The following NAV2 variants were observed in gnomAD, a reference collection of about 807,000 sequenced individuals.
NAV2 encodes the protein helicase, APC down-regulated 1.
In NAV2, 54 loss-of-function variants were observed where a neutral mutation model predicts 223.2. That is an observed-to-expected ratio of 0.24 (90% CI 0.19 to 0.30). The LOEUF is 0.30. Among genes scored for constraint, NAV2 ranks in the 10% least tolerant of loss-of-function variants. NAV2 has a pLI of 1.00. For synonymous variants in NAV2, 1,279 were observed against 1,239.3 expected (o/e 1.03, Z -0.67); for missense variants, 2,806 against 3,147.5 (o/e 0.89, Z 2.60).
intron 1 of NAV2, among the ~76,000 whole-genome samples, chr11:19,603,642 A>AG (rs1182979891): frequency 1.3e-5 from 2 of 151,522 alleles, no homozygotes; most frequent in Non-Finnish European, 2.9e-5. Context: ...AAAAAAAAAA[A>AG]AAAAAAAGAA....
intron 1 of NAV2, among the ~76,000 whole-genome samples, chr11:19,560,874 A>G (rs1311904596): frequency 6.6e-6 from 1 of 152,254 alleles, no homozygotes; most frequent in Admixed American, 6.5e-5. Flanking sequence ...CAAGGTCCCA[A>G]AGATAAATAA....
chr11:20,045,249 C>T lies in NAV2; in HGVS notation c.3481C>T (p.Arg1161Trp), dbSNP rs780672032. 26 of 1,614,056 alleles carry T rather than the reference C, an allele frequency of 1.6e-5. No individual in the cohort carries two copies. Among genetic ancestry groups the T allele is most frequent in the South Asian group, 5.5e-5 (5 of 91,088 alleles). ...CCCAAAGTCATCTGCACTCGTCAGTCGGTCTGCTGGTCGGAAGTCAAGTAT... is the reference window on the plus strand; with the variant it reads ...CCCAAAGTCATCTGCACTCGTCAGTTGGTCTGCTGGTCGGAAGTCAAGTAT... ...KIPKSSALVS[R>W]SAGRKSSMDG... The change falls in exon 14 of 38, where the codon CGG becomes TGG. Residue 1161 changes from arginine (R) to tryptophan (W), a missense_variant. Arg to Trp is a moderately radical substitution (Grantham distance 101). Transcript: ENST00000349880.
At chr11:20,044,330 G>C in intron 13 of NAV2, 58 bp downstream of exon 13, 1 of 1,457,726 alleles carries the variant, frequency 6.9e-7, no homozygotes, top group Non-Finnish European at 9.4e-7. Flanking sequence ...CAAAGCCATA[G>C]TTAACTCTAG....
At chr11:19,811,572 C>T (rs1590674374) in intron 1 of NAV2, among the ~76,000 whole-genome samples, 1 of 152,166 alleles carries the variant, frequency 6.6e-6, no homozygotes, top group South Asian at 2.1e-4. Flanking sequence ...CAGAAGGTTA[C>T]CACATTTAGC....
At chr11:19,359,067 G>A (rs578002028) in intron 1 of NAV2, among the ~76,000 whole-genome samples, 55 of 152,324 alleles carry the variant, frequency 3.6e-4, no homozygotes, top group African/African-American at 1.3e-3. Context: ...GAATGAATGA[G>A]TGACAGTTGA....
chr11:19,823,946 G>A (rs2059523689), intron 1 of NAV2, among the ~76,000 whole-genome samples: 1 of 151,974 alleles, frequency 6.6e-6, no homozygotes, highest in African/African-American at 2.4e-5. Context: ...AAGAAAAAGT[G>A]CAATTGTGTT....
Position 20,095,875 on chromosome 11 carries a change from T to A in NAV2, c.6012+108T>A, listed in dbSNP as rs1238293912. ...TGAGCTTGGCCATTTCTCAGACCTGTCCCCTTCCCTACATGTTAATGTTGC... is the reference window on the plus strand; with the variant it reads ...TGAGCTTGGCCATTTCTCAGACCTGACCCCTTCCCTACATGTTAATGTTGC... On this transcript the variant is annotated intron_variant, in intron 30 of 37. Transcript: ENST00000349880. The A allele has an allele frequency of 6.4e-6, 5 of 777,684 alleles. No homozygotes were observed. The East Asian group carries it at 7.4e-5, about 11-fold the overall frequency. 48.2% of individuals were successfully genotyped at this position (777,684 alleles called of 1,614,324 possible).
At chr11:19,634,653 G>A (rs909241796) in intron 1 of NAV2, among the ~76,000 whole-genome samples, 2 of 152,210 alleles carry the variant, frequency 1.3e-5, no homozygotes, top group African/African-American at 2.4e-5. Context: ...GGATATAGAG[G>A]TGAGCAAATA....
At chr11:20,045,914 T>C (rs2057378455) in intron 14 of NAV2, among the ~76,000 whole-genome samples, 1 of 152,212 alleles carries the variant, frequency 6.6e-6, no homozygotes, top group Non-Finnish European at 1.5e-5. Flanking sequence ...TTAGCTGCCA[T>C]ATAACCTTTT....
intron 11 of NAV2, among the ~76,000 whole-genome samples, chr11:20,009,429 A>G (rs142890997): frequency 3.9e-5 from 6 of 152,360 alleles, no homozygotes; most frequent in African/African-American, 1.4e-4. Context: ...AACCTGTGAC[A>G]AATGAGCTGT....
At chr11:19,526,613 G>T (rs1246749791) in intron 1 of NAV2, among the ~76,000 whole-genome samples, 1 of 152,076 alleles carries the variant, frequency 6.6e-6, no homozygotes, top group Non-Finnish European at 1.5e-5. Context: ...GTGTGCTTGT[G>T]CTTATTGGCA....
chr11:19,582,641 G>C (rs1056752830), intron 1 of NAV2, among the ~76,000 whole-genome samples: 4 of 152,114 alleles, frequency 2.6e-5, no homozygotes, highest in African/African-American at 9.7e-5. Flanking sequence ...GCCATTTCTA[G>C]TTTTTTTCAG....
Position 19,762,514 on chromosome 11 carries a change from GA to G in NAV2, c.267+48554del, listed in dbSNP as rs140678227. ...TAGTTCTGGCCTCAGGGCCTTTGCAGAAGCCTTGGCTCCTAATCTTCTGTTC... is the reference window on the plus strand; with the variant it reads ...TAGTTCTGGCCTCAGGGCCTTTGCAGAGCCTTGGCTCCTAATCTTCTGTTC... On this transcript the variant is annotated intron_variant, in intron 1 of 37. Transcript: ENST00000349880. Among the ~76,000 whole-genome samples, 268 of 152,158 alleles carry G rather than the reference GA, an allele frequency of 1.8e-3. 1 individual carries two copies. Among genetic ancestry groups the G allele is most frequent in the Admixed American group, 4.5e-3 (68 of 15,268 alleles).
intron 1 of NAV2, chr11:19,502,766 G>A (rs1402225985): frequency 6.6e-6 from 1 of 152,228 alleles, no homozygotes; most frequent in African/African-American, 2.4e-5. Context: ...ACTTACATAT[G>A]AGTTGTAACT....
chr11:19,614,710 G>A (rs932771819), intron 1 of NAV2, among the ~76,000 whole-genome samples: 1 of 152,138 alleles, frequency 6.6e-6, no homozygotes, highest in Admixed American at 6.5e-5. Flanking sequence ...CAGTGGCATA[G>A]GTCATGCTGG....
intron 1 of NAV2, among the ~76,000 whole-genome samples, chr11:19,743,065 T>G (rs2052995078): frequency 6.6e-6 from 1 of 152,234 alleles, no homozygotes; most frequent in South Asian, 2.1e-4. Context: ...AAGAGCACTG[T>G]GAGAGTTGTG....
intron 1 of NAV2, among the ~76,000 whole-genome samples, chr11:19,493,725 G>A (rs1396359321): frequency 1.3e-5 from 2 of 152,150 alleles, no homozygotes; most frequent in Non-Finnish European, 2.9e-5. Context: ...AGCTGCCTGG[G>A]ACAGTTGCTG....
intron 3 of NAV2, among the ~76,000 whole-genome samples, chr11:19,849,650 T>G (rs989760962): frequency 2.6e-5 from 4 of 152,206 alleles, no homozygotes; most frequent in Non-Finnish European, 4.4e-5. Flanking sequence ...CTGAGATCCT[T>G]GGGCAGCTGA....
chr11:19,762,330 T>C (rs1197408624), intron 1 of NAV2, among the ~76,000 whole-genome samples: 1 of 152,190 alleles, frequency 6.6e-6, no homozygotes, highest in African/African-American at 2.4e-5. Flanking sequence ...TGACTCCCCA[T>C]TGCTGTCAGC....
Sources: gnomAD v4.1 joint callset for allele counts (sites outside exome capture counted in the v4.1 genomes callset) on GRCh38, gnomAD v4.1.1 for gene constraint, MANE v1.5 for transcripts, NCBI Gene and HGNC (gene_info 2026-07-23, HGNC 2026-07-21) for gene names.